Variants in ALPK3 observed in about 807,000 individuals in gnomAD.
ALPK3 encodes alpha kinase 3.
In ALPK3, 102 loss-of-function variants were observed where a neutral mutation model predicts 140.0. The ratio of observed to expected loss-of-function variants is 0.73; its 90% confidence interval spans 0.62 to 0.86. The LOEUF is 0.86. Ranked by LOEUF, ALPK3 falls within the 40% of genes least tolerant of loss-of-function variation. ALPK3 has a pLI of 0.00. For missense variants in ALPK3, 2,254 were observed against 2,208.2 expected, an observed-to-expected ratio of 1.02 and a Z score of -0.42; for synonymous variants, 938 against 898.5, an observed-to-expected ratio of 1.04 and a Z score of -0.79.
intron 3 of ALPK3, among the ~76,000 whole-genome samples, chr15:84,829,101 C>T (rs1396598188): frequency 6.6e-6 from 1 of 152,162 alleles, no homozygotes; most frequent in African/African-American, 2.4e-5. Flanking sequence ...TACAGCAGTT[C>T]ACCCCTCTCA....
At chr15:84,820,852 G>A (rs995359625) in intron 1 of ALPK3, among the ~76,000 whole-genome samples, 1 of 152,078 alleles carries the variant, frequency 6.6e-6, no homozygotes. Flanking sequence ...TTGAACTCCT[G>A]GGCTCCAGCG....
intron 5 of ALPK3, among the ~76,000 whole-genome samples, chr15:84,847,265 A>G (rs1041163824): frequency 1.0e-4 from 15 of 149,538 alleles, no homozygotes; most frequent in African/African-American, 1.7e-4. Context: ...AGAAAAATCA[A>G]TGAACAGAGC....
chr15:84,839,560 G>T, intron 4 of ALPK3, 142 bp from the exon 5 acceptor site: 4 of 924,076 alleles, frequency 4.3e-6, no homozygotes, highest in Non-Finnish European at 6.5e-6. Flanking sequence ...ATGTTGTGAC[G>T]TGTGAGATGG....
chr15:84,849,999 G>GAA (rs747151791), intron 5 of ALPK3, among the ~76,000 whole-genome samples: 20 of 72,852 alleles, frequency 2.7e-4, no homozygotes, highest in African/African-American at 7.4e-4. Context: ...GCAAGACTTA[G>GAA]AAAAAAAAAA....
intron 5 of ALPK3, among the ~76,000 whole-genome samples, chr15:84,855,560 T>A (rs778063704): frequency 2.6e-5 from 4 of 152,176 alleles, no homozygotes; most frequent in Non-Finnish European, 4.4e-5. Flanking sequence ...AGGAAGTCCT[T>A]TAAAAGTAGG....
In ALPK3 at chr15:84,840,726, T is replaced by C; in HGVS notation, c.1447T>C (p.Phe483Leu). 1 of 1,613,766 alleles carries C rather than the reference T, an allele frequency of 6.2e-7. No homozygotes were observed. Among genetic ancestry groups the C allele is most frequent in the Non-Finnish European group, 8.5e-7 (1 of 1,179,862 alleles). ...QPTRPFNRKRFAPPKPKGEAT... is the reference protein window; with the variant it reads ...QPTRPFNRKRLAPPKPKGEAT... The stretch of plus-strand genomic sequence containing the variant: ...GACTAGGCCTTTCAACAGAAAGAGA[T>C]TTGCCCCTCCAAAGCCCAAAGGAGA... The change falls in exon 5 of 14, where the codon TTT becomes CTT. Residue 483 changes from phenylalanine to leucine, a missense_variant. Transcript: ENST00000258888.
intron 5 of ALPK3, among the ~76,000 whole-genome samples, chr15:84,844,235 C>A (rs1043172003): frequency 2.0e-5 from 3 of 150,742 alleles, no homozygotes; most frequent in South Asian, 4.2e-4. Context: ...CTCAAAAAAA[C>A]CCAAAAAAAC....
At position 84,871,382 on chromosome 15, in the gene ALPK3, G is replaced by C. The variant is rs1014487387; in HGVS notation, c.*2926G>C. On this transcript the variant is annotated 3_prime_UTR_variant, in exon 14 of 14. Coordinates refer to ENST00000258888, the MANE Select transcript of ALPK3 (RefSeq NM_020778.5). ...CAGCAATCATATTTTCCCTTGATAG[G>C]GTTCATCATTCTAGATACTCCGATG... 6.6e-6 allele frequency: 1 copy of C among 152,142 alleles called. No individual in the cohort carries two copies. Among genetic ancestry groups the C allele is most frequent in the South Asian group, 2.1e-4 (1 of 4,836 alleles). 9.4% of individuals were successfully genotyped at this position (152,142 alleles called of 1,614,324 possible).
At chr15:84,848,294 A>G (rs1304631937) in intron 5 of ALPK3, among the ~76,000 whole-genome samples, 1 of 151,974 alleles carries the variant, frequency 6.6e-6, no homozygotes, top group Non-Finnish European at 1.5e-5. Flanking sequence ...GTATGCAAAT[A>G]TAATATATAA....
chr15:84,851,310 C>T (rs1963800655), intron 5 of ALPK3, among the ~76,000 whole-genome samples: 1 of 152,086 alleles, frequency 6.6e-6, no homozygotes, highest in Admixed American at 6.5e-5. Context: ...GTTGTCAGTA[C>T]AGTTAAGTTA....
At chr15:84,858,929 C>T (rs548215562) in intron 6 of ALPK3, among the ~76,000 whole-genome samples, 1 of 152,324 alleles carries the variant, frequency 6.6e-6, no homozygotes, top group East Asian at 1.9e-4. Context: ...CAAATGCAGG[C>T]TTCCAGAGTT....
chr15:84,851,106 G>T (rs1963798938), intron 5 of ALPK3, among the ~76,000 whole-genome samples: 1 of 152,170 alleles, frequency 6.6e-6, no homozygotes, highest in Admixed American at 6.5e-5. Context: ...GGGGTATAAT[G>T]ATGGAATTAG....
intron 4 of ALPK3, 37 bp downstream of exon 4, chr15:84,839,134 C>A (rs765713628): frequency 5.8e-6 from 9 of 1,541,634 alleles, no homozygotes; most frequent in Non-Finnish European, 7.1e-6. Context: ...TCTCTGCCCT[C>A]CCGAGGGCCC....
chr15:84,821,264 C>G (rs1358711448), intron 1 of ALPK3, among the ~76,000 whole-genome samples: 1 of 152,126 alleles, frequency 6.6e-6, no homozygotes, highest in African/African-American at 2.4e-5. Context: ...AATGTAAGGG[C>G]GAGGCCTAGA....
At position 84,862,849 on chromosome 15, in the gene ALPK3, C is replaced by T. The variant is rs758620638; in HGVS notation, c.4344C>T (p.Ser1448=). Residue 1448 remains serine (S), a synonymous_variant, in exon 10 of 14, where the codon AGC becomes AGT. Coordinates refer to ENST00000258888, the MANE Select transcript of ALPK3 (RefSeq NM_020778.5). The part of the protein sequence containing the change: ...SGRTCIIKVS[S]LLVFGPSSET... ...GCACGTGCATCATCAAGGTGTCCAG[C>T]CTGCTTGTGTTTGGGCCCAGCAGTG... 6.2e-7 allele frequency: 1 copy of T among 1,614,170 alleles called. No individual in the cohort carries two copies. The highest frequency in any genetic ancestry group is 1.3e-5 in the African/African-American group (1 of 75,032).
intron 5 of ALPK3, among the ~76,000 whole-genome samples, chr15:84,852,245 A>G (rs1305142121): frequency 1.3e-5 from 2 of 152,180 alleles, no homozygotes; most frequent in African/African-American, 2.4e-5. Flanking sequence ...CTTGCACGCA[A>G]GCCCTGAGAT....
At chr15:84,833,148 C>T (rs1963561879) in intron 3 of ALPK3, among the ~76,000 whole-genome samples, 1 of 152,160 alleles carries the variant, frequency 6.6e-6, no homozygotes, top group Non-Finnish European at 1.5e-5. Flanking sequence ...TATATCATAG[C>T]ACTTACTGTG....
At chr15:84,855,702 A>G (rs1963853193) in intron 5 of ALPK3, among the ~76,000 whole-genome samples, 1 of 152,232 alleles carries the variant, frequency 6.6e-6, no homozygotes, top group South Asian at 2.1e-4. Context: ...TGTTATCTCT[A>G]GAATGGGGCT....
Position 84,862,681 on chromosome 15 carries a change from G to A in ALPK3, c.4176G>A (p.Leu1392=). ...CCCCTATGGTGTTTGCTAAGGGTCT[G>A]GCTGACTCTGGCTGCTGGGGGGACA... ...EMTPMVFAKG[L]ADSGCWGDKL... Residue 1392 remains leucine, a synonymous_variant, in exon 10 of 14, where the codon CTG becomes CTA. Coordinates refer to ENST00000258888, the MANE Select transcript of ALPK3 (RefSeq NM_020778.5). 6.2e-7 allele frequency: 1 copy of A among 1,614,180 alleles called. No individual in the cohort carries two copies. Among genetic ancestry groups the A allele is most frequent in the Non-Finnish European group, 8.5e-7 (1 of 1,180,030 alleles).
Sources: gnomAD v4.1 joint callset for allele counts (sites outside exome capture counted in the v4.1 genomes callset) on GRCh38, gnomAD v4.1.1 for gene constraint, MANE v1.5 for transcripts, NCBI Gene and HGNC (gene_info 2026-07-23, HGNC 2026-07-21) for gene names.